The following YJU2B variants were observed in gnomAD, a reference collection of about 807,000 sequenced individuals.
YJU2B encodes probable splicing factor YJU2B.
In YJU2B, 18 loss-of-function variants were observed where a neutral mutation model predicts 38.0. The ratio of observed to expected loss-of-function variants is 0.47; its 90% CI spans 0.33 to 0.70. The LOEUF (loss-of-function observed/expected upper bound fraction) is 0.70, where lower values mean the gene tolerates loss of function less well. YJU2B is among the 30% of genes least tolerant of loss of function. The pLI, the probability that YJU2B is intolerant of heterozygous loss-of-function variation, is 0.02. For missense variants in YJU2B, 538 were observed against 556.3 expected (o/e 0.97, Z 0.33); for synonymous variants, 246 against 225.4 (o/e 1.09, Z -0.82).
intron 2 of YJU2B, among the ~76,000 whole-genome samples, chr19:13,737,036 A>AAAAG (rs536820633): frequency 2.6e-5 from 4 of 151,128 alleles, no homozygotes; most frequent in African/African-American, 9.7e-5. Flanking sequence ...CAAAAAAAAA[A>AAAAG]AAAAAAGAAA....
upstream of YJU2B, among the ~76,000 whole-genome samples, chr19:13,744,326 G>A (rs2145102743): frequency 6.6e-6 from 1 of 152,320 alleles, no homozygotes; most frequent in East Asian, 1.9e-4. Flanking sequence ...AGCCCCTCAG[G>A]AGGAAACTTG....
intron 2 of YJU2B, among the ~76,000 whole-genome samples, chr19:13,752,498 C>A (rs559174810): frequency 3.9e-5 from 6 of 152,190 alleles, no homozygotes; most frequent in Non-Finnish European, 7.4e-5. Context: ...AATCCCAGCA[C>A]TTTGCGAGGT....
intron 3 of YJU2B, among the ~76,000 whole-genome samples, chr19:13,755,755 A>T (rs1451441669): frequency 6.6e-6 from 1 of 152,064 alleles, no homozygotes; most frequent in Admixed American, 6.6e-5. Context: ...CAGGAGTTGG[A>T]GACCAGCCTG....
At chr19:13,757,095 C>T (rs1300539405) in intron 4 of YJU2B, among the ~76,000 whole-genome samples, 2 of 151,878 alleles carry the variant, frequency 1.3e-5, no homozygotes, top group East Asian at 3.9e-4. Context: ...GAGCCAGGAT[C>T]GCACCACTGC....
At chr19:13,747,367 G>C (rs1424875086), upstream of YJU2B, among the ~76,000 whole-genome samples, 1 of 152,188 alleles carries the variant, frequency 6.6e-6, no homozygotes, top group Admixed American at 6.6e-5. Context: ...TGCAAAAACA[G>C]AGCAGTGGTT....
chr19:13,760,870 G>T (rs892619563), intron 8 of YJU2B, among the ~76,000 whole-genome samples: 2 of 152,122 alleles, frequency 1.3e-5, no homozygotes, highest in Admixed American at 6.5e-5. Context: ...CCAGGTTCAA[G>T]CAATTCTCCT....
chr19:13,757,940 C>A, intron 6 of YJU2B, 94 bp downstream of exon 6: 1 of 1,078,376 alleles, frequency 9.3e-7, no homozygotes, highest in Non-Finnish European at 1.4e-6. Context: ...AACCCATTCC[C>A]TGCAGGACTC....
At position 13,759,229 on chromosome 19, in the gene YJU2B, A is replaced by G; in HGVS notation, c.530A>G (p.Lys177Arg). 2 of 1,613,392 alleles carry G rather than the reference A, an allele frequency of 1.2e-6. No homozygotes were observed. The highest frequency in any genetic ancestry group is 1.7e-6 in the Non-Finnish European group (2 of 1,179,736). ...SHIQEAQSAW[K>R]DDFALNSMLR... is the part of the protein sequence containing the mutation. ...ATCCAGGAGGCCCAGAGCGCCTGGA[A>G]GGACGACTTCGCCCTCAACAGCATG... The change falls in exon 8 of 10, where the codon AAG becomes AGG. Residue 177 changes from lysine (K) to arginine (R), a missense_variant. Lys to Arg is a conservative substitution (Grantham distance 26). Around this residue, in one of 2 missense-constraint regions of YJU2B, gnomAD observed 488 missense variants for 469.5 expected, o/e 1.04. Coordinates refer to ENST00000221554, the MANE Select transcript of YJU2B (RefSeq NM_030818.4).
upstream of YJU2B, among the ~76,000 whole-genome samples, chr19:13,743,647 CTT>C (rs1973153493): frequency 1.4e-5 from 2 of 142,484 alleles, no homozygotes; most frequent in African/African-American, 5.3e-5. Context: ...AATCCCAACA[CTT>C]TGGGAGGCCA....
chr19:13,732,607 TTTC>T (rs1186552423), intron 2 of YJU2B: 1 of 133,870 alleles, frequency 7.5e-6, no homozygotes, highest in African/African-American at 2.8e-5. Context: ...GCATACTTTC[TTTC>T]TTTTTTTTTT....
rs1362427224 is a variant in YJU2B at position 13,749,644 on chromosome 19, T to TG, written c.-202+1690_-202+1691insG. ...CTAGAACTTCTTTCTTTTTTTTTTT[T>TG]TTTTTTGAGATGGAGTCTCGCTCTA... is the stretch of plus-strand genomic sequence containing the variant. On this transcript the variant is annotated intron_variant, in intron 1 of 9. Coordinates refer to ENST00000221554, the MANE Select transcript of YJU2B (RefSeq NM_030818.4). Among the ~76,000 whole-genome samples, 15 of 150,524 alleles carry TG rather than the reference T, an allele frequency of 1.0e-4. 1 individual carries two copies. In the East Asian group the frequency reaches 2.5e-3, roughly 25 times the overall value.
upstream of YJU2B, among the ~76,000 whole-genome samples, chr19:13,746,862 A>G (rs1973264398): frequency 6.6e-6 from 1 of 152,024 alleles, no homozygotes; most frequent in Non-Finnish European, 1.5e-5. Flanking sequence ...AGCTGAGATC[A>G]CGCCATTGAA....
At position 13,751,817 on chromosome 19, in the gene YJU2B, T is replaced by G. The variant is rs1445033982; in HGVS notation, c.3+6T>G. 2 of 1,613,872 alleles carry G rather than the reference T, an allele frequency of 1.2e-6. No individual in the cohort carries two copies. Among genetic ancestry groups the G allele is most frequent in the African/African-American group, 2.7e-5 (2 of 74,870 alleles). ...AGTAGGCAGCTCCCAAGATGGTGAGTAGACAGCCTCGTGTGCCCTGGGTTT... is the reference window on the plus strand; with the variant it reads ...AGTAGGCAGCTCCCAAGATGGTGAGGAGACAGCCTCGTGTGCCCTGGGTTT... On this transcript the variant is annotated splice_donor_region_variant and intron_variant, in intron 2 of 9. Transcript: ENST00000221554.
intron 2 of YJU2B, among the ~76,000 whole-genome samples, chr19:13,752,512 G>A (rs1479202862): frequency 2.6e-5 from 4 of 152,132 alleles, no homozygotes; most frequent in South Asian, 4.1e-4. Flanking sequence ...GCGAGGTTGA[G>A]CTGGGTGGAT....
intron 3 of YJU2B, among the ~76,000 whole-genome samples, chr19:13,755,737 C>T (rs1268966204): frequency 6.6e-6 from 1 of 152,064 alleles, no homozygotes; most frequent in Non-Finnish European, 1.5e-5. Flanking sequence ...AAGTGGATCA[C>T]CTGAGGTCAG....
chr19:13,760,023 C>T (rs1040181586), intron 8 of YJU2B, among the ~76,000 whole-genome samples: 9 of 152,118 alleles, frequency 5.9e-5, no homozygotes, highest in African/African-American at 2.2e-4. Flanking sequence ...AACTCCCATC[C>T]TCAGGTTATC....
intron 1 of YJU2B, 109 bp from the exon 2 acceptor site, chr19:13,751,499 G>T (rs1212677604): frequency 2.6e-6 from 1 of 390,972 alleles, no homozygotes; most frequent in African/African-American, 2.1e-5. Context: ...GCTGGCCCAC[G>T]TGAGTGATGA....
At chr19:13,743,148 G>GTTTTTTTTT (rs1973137686), upstream of YJU2B, among the ~76,000 whole-genome samples, 4 of 150,730 alleles carry the variant, frequency 2.7e-5, no homozygotes, top group African/African-American at 7.5e-5. Context: ...GCAGGTGGGG[G>GTTTTTTTTT]TTTTTTAAGG....
At chr19:13,748,864 C>A (rs1423289577) in intron 1 of YJU2B, among the ~76,000 whole-genome samples, 1 of 152,160 alleles carries the variant, frequency 6.6e-6, no homozygotes, top group Non-Finnish European at 1.5e-5. Flanking sequence ...TGGAATAATC[C>A]AATCTAAAGG....
Sources: gnomAD v4.1 joint callset for allele counts (sites outside exome capture counted in the v4.1 genomes callset) on GRCh38, gnomAD v4.1.1 for gene constraint, gnomAD v4.1.1 regional missense constraint, MANE v1.5 for transcripts, NCBI Gene and HGNC (gene_info 2026-07-23, HGNC 2026-07-21) for gene names.